The following LNX1 variants were observed in gnomAD, a reference collection of about 807,000 sequenced individuals.
The protein encoded by LNX1 is ligand of numb-protein X 1.
A neutral mutation model predicts 68.4 loss-of-function variants in LNX1; 54 were observed. The observed-to-expected ratio is 0.79, with a 90% CI of 0.63 to 0.99. LNX1 has a LOEUF of 0.99. Ranked by LOEUF, LNX1 falls within the 50% of genes least tolerant of loss-of-function variation. The pLI is 0.00. For missense variants in LNX1, 906 were observed against 926.4 expected (o/e 0.98, Z 0.29); for synonymous variants, 336 against 350.0 (o/e 0.96, Z 0.45).
chr4:53,466,731 T>A (rs1161889827), intron 9 of LNX1, among the ~76,000 whole-genome samples: 1 of 152,232 alleles, frequency 6.6e-6, no homozygotes, highest in Non-Finnish European at 1.5e-5. Context: ...CAAGGAGCCT[T>A]GCTCATTGCT....
At chr4:53,603,235 C>G (rs369003698) in intron 2 of LNX1, among the ~76,000 whole-genome samples, 1 of 152,110 alleles carries the variant, frequency 6.6e-6, no homozygotes, top group African/African-American at 2.4e-5. Flanking sequence ...CCTTGGGAGC[C>G]GACTCCTCAC....
chr4:53,533,456 C>T (rs1019738364), intron 2 of LNX1, among the ~76,000 whole-genome samples: 3 of 152,118 alleles, frequency 2.0e-5, no homozygotes, highest in African/African-American at 4.8e-5. Flanking sequence ...TGGAGTGCAG[C>T]GGTGCGTTCT....
chr4:53,488,717 A>G (rs931486354), intron 6 of LNX1, among the ~76,000 whole-genome samples: 1 of 152,322 alleles, frequency 6.6e-6, no homozygotes, highest in East Asian at 1.9e-4. Flanking sequence ...TCAGGACTGC[A>G]CTATAGGACA....
At chr4:53,480,177 TCA>T (rs1164839941) in intron 7 of LNX1, among the ~76,000 whole-genome samples, 2 of 152,260 alleles carry the variant, frequency 1.3e-5, no homozygotes, top group Non-Finnish European at 1.5e-5. Context: ...CATATATGTC[TCA>T]GTTTTTTTAA....
chr4:53,651,314 G>A (rs562381188), intron 1 of LNX1, among the ~76,000 whole-genome samples: 33 of 152,286 alleles, frequency 2.2e-4, no homozygotes, highest in Middle Eastern at 3.4e-3. Flanking sequence ...TCTGCACTGC[G>A]TCAGCATTCC....
rs1339658593 is a variant in LNX1, at chr4:53,459,895, T to A, written c.*1012A>T. ...GTCTTTATCATTACTGCTGTGACAC[T>A]CTTGCTTAGTATATTAAGAGACTCA... On this transcript the variant is annotated 3_prime_UTR_variant, in exon 11 of 11. Transcript: ENST00000263925. 2 of 229,614 alleles carry A rather than the reference T, an allele frequency of 8.7e-6. No individual in the cohort carries two copies. Among genetic ancestry groups the A allele is most frequent in the Non-Finnish European group, 1.7e-5 (2 of 115,976 alleles). The allele number at this position is 229,614 out of a possible 1,614,324, so 14.2% of individuals were successfully genotyped here. A position where few individuals can be genotyped will look rare whatever the true frequency, so the allele number is the denominator to read the frequency against.
At chr4:53,558,163 T>C in intron 2 of LNX1, 3 of 1,378,746 alleles carry the variant, frequency 2.2e-6, no homozygotes, top group Admixed American at 3.0e-5. Flanking sequence ...GATTCTCAGA[T>C]GAGAGGATGT....
chr4:53,570,465 G>C (rs1156908324), intron 2 of LNX1, among the ~76,000 whole-genome samples: 1 of 132,728 alleles, frequency 7.5e-6, no homozygotes, highest in Non-Finnish European at 1.6e-5. Flanking sequence ...ATTGAACAAT[G>C]AGATCACATG....
chr4:53,499,696 A>C (rs565812326), intron 4 of LNX1, among the ~76,000 whole-genome samples: 2 of 152,244 alleles, frequency 1.3e-5, no homozygotes, highest in South Asian at 2.1e-4. Context: ...TAATTTTGAA[A>C]ATTTCTTCCT....
At chr4:53,566,437 C>G (rs1165923517) in intron 2 of LNX1, among the ~76,000 whole-genome samples, 1 of 151,714 alleles carries the variant, frequency 6.6e-6, no homozygotes, top group Admixed American at 6.6e-5. Flanking sequence ...ACTTTACAGA[C>G]AAGCAAATGC....
intron 9 of LNX1, among the ~76,000 whole-genome samples, chr4:53,463,638 C>T (rs1322692151): frequency 6.6e-6 from 1 of 151,324 alleles, no homozygotes; most frequent in African/African-American, 2.4e-5. Flanking sequence ...TTAGGCCTAT[C>T]GAAGATTTGG....
intron 2 of LNX1, among the ~76,000 whole-genome samples, chr4:53,610,254 T>A (rs558690351): frequency 4.3e-4 from 65 of 151,906 alleles, no homozygotes; most frequent in African/African-American, 1.4e-3. Flanking sequence ...TAAGAAAAAA[T>A]TATCAAAAGG....
chr4:53,580,825 G>T (rs1731786663), intron 1 of LNX1, among the ~76,000 whole-genome samples: 2 of 152,118 alleles, frequency 1.3e-5, no homozygotes, highest in African/African-American at 2.4e-5. Context: ...TCTCTTATTT[G>T]TTTGTAAACG....
chr4:53,635,315 C>T (rs760931183), intron 1 of LNX1, among the ~76,000 whole-genome samples: 14 of 152,166 alleles, frequency 9.2e-5, no homozygotes, highest in Non-Finnish European at 1.8e-4. Context: ...TCCCCCCTTC[C>T]GGATGTGCCT....
At chr4:53,523,159 G>A (rs951415868) in intron 2 of LNX1, 1 of 152,198 alleles carries the variant, frequency 6.6e-6, no homozygotes, top group African/African-American at 2.4e-5. Flanking sequence ...ACCCTCCAGA[G>A]AGCTTCCAAG....
At chr4:53,628,214 C>T (rs539606443) in intron 1 of LNX1, among the ~76,000 whole-genome samples, 3 of 152,076 alleles carry the variant, frequency 2.0e-5, no homozygotes, top group Non-Finnish European at 4.4e-5. Context: ...AGACAACCCA[C>T]AGAATAGGAG....
chr4:53,522,073 C>T (rs1326342740), intron 2 of LNX1, among the ~76,000 whole-genome samples: 13 of 152,140 alleles, frequency 8.5e-5, no homozygotes, highest in Non-Finnish European at 1.2e-4. Flanking sequence ...AGACTACCAG[C>T]GAGAGCCACC....
intron 2 of LNX1, among the ~76,000 whole-genome samples, chr4:53,512,157 T>G (rs10006662): frequency 2.9e-4 from 44 of 152,260 alleles, no homozygotes; most frequent in African/African-American, 1.1e-3. Context: ...CAGTGCTGCT[T>G]GACTTAAGGA....
At position 53,599,933 on chromosome 4, in the gene LNX1, A is replaced by C. The variant is rs187677713; in HGVS notation, c.-214-8418T>G. Among the ~76,000 whole-genome samples, 365 of 152,296 alleles carry C rather than the reference A, an allele frequency of 2.4e-3. 1 individual carries two copies. The highest frequency in any genetic ancestry group is 8.3e-3 in the African/African-American group (345 of 41,566). On this transcript the variant is annotated intron_variant, in intron 2 of 3. Transcript: ENST00000504299. ...GGGCTGGCTGGCATTGCACCTTGGGAAGAACTTGAAAAAGATCTGTGCTCA... is the reference window on the plus strand; with the variant it reads ...GGGCTGGCTGGCATTGCACCTTGGGCAGAACTTGAAAAAGATCTGTGCTCA...
Sources: allele counts gnomAD v4.1 joint callset (sites outside exome capture counted in the v4.1 genomes callset), GRCh38; gene constraint gnomAD v4.1.1; transcripts MANE v1.5; gene names NCBI Gene and HGNC (gene_info 2026-07-23, HGNC 2026-07-21).